The following ST7L variants were observed in gnomAD, a reference collection of about 807,000 sequenced individuals.
ST7L encodes the protein suppressor of tumorigenicity 7 protein-like.
In ST7L, 57 loss-of-function variants were observed where a neutral mutation model predicts 72.5. The ratio of observed to expected loss-of-function variants is 0.79; its 90% CI spans 0.64 to 0.98. ST7L has a LOEUF of 0.98. ST7L is among the 50% of genes least tolerant of loss of function. ST7L has a pLI of 0.00. For missense variants in ST7L, 576 were observed against 672.2 expected, an observed-to-expected ratio of 0.86 and a Z score of 1.58; for synonymous variants, 221 against 240.9, an observed-to-expected ratio of 0.92 and a Z score of 0.77.
At chr1:112,562,746 A>G (rs1413456354) in intron 11 of ST7L, among the ~76,000 whole-genome samples, 1 of 152,176 alleles carries the variant, frequency 6.6e-6, no homozygotes, top group African/African-American at 2.4e-5. Context: ...TGTAATACTA[A>G]AAGGTTGGTC....
At chr1:112,540,039 C>G (rs1348396189) in intron 14 of ST7L, 6 of 985,256 alleles carry the variant, frequency 6.1e-6, no homozygotes, top group East Asian at 1.1e-4. Context: ...TAGAGGAGTG[C>G]TAAGGAACTT....
rs1558019151 is a variant in ST7L at position 112,584,137 on chromosome 1, A to G, written c.702-11T>C. The G allele has an allele frequency of 6.2e-7, 1 of 1,606,658 alleles. No individual in the cohort carries two copies. Among genetic ancestry groups the G allele is most frequent in the Non-Finnish European group, 8.5e-7 (1 of 1,177,524 alleles). On this transcript the variant is annotated splice_polypyrimidine_tract_variant and intron_variant, in intron 6 of 14. Transcript: ENST00000358039. Reference sequence around the variant, plus strand: ...TATGCAGTGGCACAGCTATGAAGAAAGCAAGAAGGCAATTTTAAATAAAAT... The same window carrying G: ...TATGCAGTGGCACAGCTATGAAGAAGGCAAGAAGGCAATTTTAAATAAAAT...
intron 14 of ST7L, among the ~76,000 whole-genome samples, chr1:112,535,805 GAAT>G: frequency 6.6e-6 from 1 of 151,962 alleles, no homozygotes; most frequent in Non-Finnish European, 1.5e-5. Context: ...AAATCTGGAT[GAAT>G]AATAATACCA....
rs1659026045 is a variant in ST7L, at chr1:112,555,863, C to T, written c.1396+5G>A. 1.3e-6 allele frequency: 2 copies of T among 1,500,216 alleles called. No individual in the cohort carries two copies. Among genetic ancestry groups the T allele is most frequent in the East Asian group, 2.4e-5 (1 of 42,170 alleles). The allele number at this position is 1,500,216 out of a possible 1,614,324, so 92.9% of individuals were successfully genotyped here. ...TTAGTGTTACTTTTGGAAAAGAATA[C>T]TTACTGCCTTCCCATGTACACTGTA... is the stretch of plus-strand genomic sequence containing the variant. On this transcript the variant is annotated splice_donor_5th_base_variant and intron_variant, in intron 12 of 14. Transcript: ENST00000358039.
chr1:112,598,158 T>G (rs902608335), intron 4 of ST7L, 72 bp from the exon 5 acceptor site: 1 of 1,062,772 alleles, frequency 9.4e-7, no homozygotes, highest in Non-Finnish European at 1.4e-6. Flanking sequence ...AGACACTACT[T>G]AAATTCAAAA....
chr1:112,549,875 G>A (rs1210965236), intron 13 of ST7L, among the ~76,000 whole-genome samples: 1 of 148,720 alleles, frequency 6.7e-6, no homozygotes, highest in Non-Finnish European at 1.5e-5. Context: ...CCCGATCTTA[G>A]GGGGAAAGCA....
chr1:112,568,545 C>T (rs1030961075), intron 11 of ST7L, among the ~76,000 whole-genome samples: 5 of 151,148 alleles, frequency 3.3e-5, no homozygotes, highest in South Asian at 2.1e-4. Context: ...CCGTGTTAGC[C>T]AGGATGGTCT....
At chr1:112,521,149 C>T (rs2273368), downstream of ST7L, 28,477 of 152,868 alleles carry the variant, frequency 0.19, 3,326 homozygotes, top group East Asian at 0.46. Context: ...TTCTCTCTAC[C>T]ATTCTCAACC....
At chr1:112,529,416 T>C (rs777710747) in intron 14 of ST7L, 2 of 152,192 alleles carry the variant, frequency 1.3e-5, no homozygotes, top group Non-Finnish European at 2.9e-5. Flanking sequence ...TATGAATTCA[T>C]TAAGAAGCAT....
At chr1:112,540,749 A>T (rs1174061417) in intron 14 of ST7L, 2 of 1,263,634 alleles carry the variant, frequency 1.6e-6, no homozygotes, top group South Asian at 2.7e-5. Context: ...GAATGGAGGC[A>T]TATAGAGAAA....
intron 3 of ST7L, among the ~76,000 whole-genome samples, chr1:112,608,271 A>G (rs987972788): frequency 6.6e-5 from 10 of 152,130 alleles, no homozygotes; most frequent in Non-Finnish European, 1.2e-4. Context: ...CCCTTACCTC[A>G]GCCTCCTAAA....
intron 14 of ST7L, chr1:112,539,901 AC>A (rs1655834052): frequency 1.0e-6 from 1 of 985,114 alleles, no homozygotes; most frequent in Non-Finnish European, 1.2e-6. Context: ...ATATACCATC[AC>A]CTATACAGAT....
At chr1:112,549,955 G>T (rs1657837715) in intron 13 of ST7L, among the ~76,000 whole-genome samples, 3 of 152,072 alleles carry the variant, frequency 2.0e-5, no homozygotes, top group Admixed American at 6.6e-5. Flanking sequence ...ATCAGGTTGA[G>T]GAAGTACCCT....
chr1:112,583,674 T>C (rs1664452851), intron 7 of ST7L, among the ~76,000 whole-genome samples: 1 of 152,210 alleles, frequency 6.6e-6, no homozygotes, highest in South Asian at 2.1e-4. Flanking sequence ...CTGAAAGTTT[T>C]TGAGTTATGT....
chr1:112,551,854 T>C (rs960817929), intron 12 of ST7L, among the ~76,000 whole-genome samples: 8 of 152,224 alleles, frequency 5.3e-5, no homozygotes, highest in Admixed American at 2.6e-4. Flanking sequence ...CTAACTGATA[T>C]AAACAAGAGT....
chr1:112,536,187 G>A (rs976344635), intron 14 of ST7L, among the ~76,000 whole-genome samples: 7 of 151,940 alleles, frequency 4.6e-5, no homozygotes, highest in African/African-American at 1.5e-4. Context: ...CAGTTCTTAC[G>A]AACTAAAAAA....
chr1:112,543,884 A>C (rs964262762), intron 13 of ST7L, among the ~76,000 whole-genome samples: 3 of 151,398 alleles, frequency 2.0e-5, no homozygotes, highest in African/African-American at 7.3e-5. Context: ...AAAAAAAAAA[A>C]AAAAAAACCT....
At chr1:112,583,847 T>C in intron 7 of ST7L, 125 bp downstream of exon 7, 1 of 1,083,320 alleles carries the variant, frequency 9.2e-7, no homozygotes, top group Non-Finnish European at 1.3e-6. Flanking sequence ...GTGAATAGAT[T>C]AGTTATTTCC....
chr1:112,579,443 G>C (rs1663754892), intron 9 of ST7L, among the ~76,000 whole-genome samples: 1 of 148,994 alleles, frequency 6.7e-6, no homozygotes, highest in East Asian at 1.9e-4. Flanking sequence ...AGGGGAAAAG[G>C]CATGGTATAA....
Sources: gnomAD v4.1 joint callset for allele counts (sites outside exome capture counted in the v4.1 genomes callset) on GRCh38, gnomAD v4.1.1 for gene constraint, MANE v1.5 for transcripts, NCBI Gene and HGNC (gene_info 2026-07-23, HGNC 2026-07-21) for gene names.